Variants in OXR1 observed in about 807,000 individuals in gnomAD.
OXR1 encodes oxidation resistance 1.
OXR1 carries 41 observed loss-of-function variants against 104.6 expected under a neutral mutation model. That is an observed-to-expected ratio of 0.39 (90% CI 0.31 to 0.51). The LOEUF (loss-of-function observed/expected upper bound fraction) is 0.51, where lower values mean the gene tolerates loss of function less well. OXR1 is among the 20% of genes least tolerant of loss of function. The pLI, the probability that OXR1 is intolerant of heterozygous loss-of-function variation, is 0.77. For missense variants in OXR1, 955 were observed against 1,031.9 expected (o/e 0.93, Z 1.02); for synonymous variants, 348 against 348.4 (o/e 1.00, Z 0.01).
intron 2 of OXR1, among the ~76,000 whole-genome samples, chr8:106,429,390 T>A (rs2130558466): frequency 6.6e-6 from 1 of 152,282 alleles, no homozygotes; most frequent in South Asian, 2.1e-4. Context: ...CCGGGCATAG[T>A]GGCTCACGTC....
chr8:106,439,198 T>A (rs1485985233), intron 2 of OXR1, among the ~76,000 whole-genome samples: 1 of 151,994 alleles, frequency 6.6e-6, no homozygotes, highest in African/African-American at 2.4e-5. Flanking sequence ...TGAGAGGCAA[T>A]AAGGATTAGA....
At chr8:106,454,637 A>C (rs1295050626) in intron 2 of OXR1, among the ~76,000 whole-genome samples, 1 of 152,116 alleles carries the variant, frequency 6.6e-6, no homozygotes, top group Non-Finnish European at 1.5e-5. Flanking sequence ...AATGTTAAAA[A>C]ATAATAATAA....
chr8:106,655,304 A>G (rs956432069), intron 3 of OXR1, among the ~76,000 whole-genome samples: 2 of 146,490 alleles, frequency 1.4e-5, no homozygotes, highest in Non-Finnish European at 1.5e-5. Flanking sequence ...ACATATGAAT[A>G]AAGTTTTTTT....
At chr8:106,368,580 G>A (rs1340820268) in intron 2 of OXR1, among the ~76,000 whole-genome samples, 1 of 151,506 alleles carries the variant, frequency 6.6e-6, no homozygotes, top group Non-Finnish European at 1.5e-5. Flanking sequence ...GCCCTGATGT[G>A]TGTTGTTTCC....
chr8:106,647,024 C>A (rs114016852), intron 3 of OXR1, among the ~76,000 whole-genome samples: 265 of 152,228 alleles, frequency 1.7e-3, no homozygotes, highest in African/African-American at 5.8e-3. Flanking sequence ...TAATTACTGT[C>A]TTTAATAGGA....
chr8:106,312,586 A>G (rs1166028492), intron 1 of OXR1, among the ~76,000 whole-genome samples: 1 of 152,212 alleles, frequency 6.6e-6, no homozygotes, highest in East Asian at 1.9e-4. Context: ...TAGCTACCAC[A>G]CTGGATGTTT....
At chr8:106,541,239 C>T (rs1814929626) in intron 3 of OXR1, among the ~76,000 whole-genome samples, 1 of 152,092 alleles carries the variant, frequency 6.6e-6, no homozygotes, top group Admixed American at 6.5e-5. Flanking sequence ...TGTTTTAAAA[C>T]ATTTAGTAGT....
intron 1 of OXR1, among the ~76,000 whole-genome samples, chr8:106,319,883 T>C (rs1814141959): frequency 6.6e-6 from 1 of 152,172 alleles, no homozygotes; most frequent in African/African-American, 2.4e-5. Context: ...ACTTTTTGTT[T>C]TGAAGTTTTG....
intron 2 of OXR1, chr8:106,448,195 C>A: frequency 9.6e-7 from 1 of 1,037,770 alleles, no homozygotes; most frequent in Non-Finnish European, 1.4e-6. Context: ...AGATGGATTT[C>A]TGTTGCCATT....
Position 106,362,719 on chromosome 8 carries a change from G to A in OXR1, c.23+3083G>A, listed in dbSNP as rs147961816. Among the ~76,000 whole-genome samples, 1,064 of 152,262 alleles carry A rather than the reference G, an allele frequency of 7.0e-3. 18 individuals carry two copies. Among genetic ancestry groups the A allele is most frequent in the African/African-American group, 0.024 (1,007 of 41,556 alleles). On this transcript the variant is annotated intron_variant, in intron 2 of 16. Transcript: ENST00000517566. ...CGTTGAAATAGAAACAAAGGGATGC[G>A]CAGAATCTGTTGCAGAAAACTACGA... is the stretch of plus-strand genomic sequence containing the variant.
intron 2 of OXR1, among the ~76,000 whole-genome samples, chr8:106,381,901 T>A (rs1312866881): frequency 6.6e-6 from 1 of 152,194 alleles, no homozygotes. Context: ...CCAGGTGGCA[T>A]ATAAAAGTGG....
At chr8:106,472,092 T>A (rs1474646824) in intron 2 of OXR1, among the ~76,000 whole-genome samples, 1 of 151,862 alleles carries the variant, frequency 6.6e-6, no homozygotes, top group Non-Finnish European at 1.5e-5. Context: ...CTAATCTGTG[T>A]CAGTCTTTCC....
intron 2 of OXR1, among the ~76,000 whole-genome samples, chr8:106,370,519 G>A (rs1816660502): frequency 6.6e-6 from 1 of 152,090 alleles, no homozygotes; most frequent in Non-Finnish European, 1.5e-5. Flanking sequence ...CATTGAAGAC[G>A]ATATTTTATG....
chr8:106,723,536 G>A (rs2131473047), intron 11 of OXR1, among the ~76,000 whole-genome samples: 1 of 151,006 alleles, frequency 6.6e-6, no homozygotes, highest in African/African-American at 2.4e-5. Context: ...GCCGGGCGTG[G>A]TGGCGCACAC....
chr8:106,638,894 A>C (rs1823384796), intron 3 of OXR1, among the ~76,000 whole-genome samples: 1 of 104,152 alleles, frequency 9.6e-6, no homozygotes, highest in East Asian at 2.5e-4. Flanking sequence ...ACTCCATTTC[A>C]AAAAAAAAAA....
chr8:106,506,483 G>C (rs1215987621), intron 2 of OXR1, among the ~76,000 whole-genome samples: 2 of 152,006 alleles, frequency 1.3e-5, no homozygotes, highest in Non-Finnish European at 2.9e-5. Context: ...TGTGGTGGCG[G>C]GCACCTGTAG....
chr8:106,742,362 A>G, intron 15 of OXR1, 45 bp downstream of exon 15: 6 of 1,100,994 alleles, frequency 5.4e-6, no homozygotes, highest in Non-Finnish European at 8.3e-6. Context: ...GAGTTGACAT[A>G]ACATACTGCC....
chr8:106,312,010 C>CCTGCCCA (rs1813722684), intron 1 of OXR1, among the ~76,000 whole-genome samples: 3 of 152,058 alleles, frequency 2.0e-5, no homozygotes, highest in Admixed American at 2.0e-4. Context: ...CCCCCACCCC[C>CCTGCCCA]CTGCCCACAG....
intron 3 of OXR1, among the ~76,000 whole-genome samples, chr8:106,644,563 T>A (rs1823919571): frequency 6.6e-6 from 1 of 152,196 alleles, no homozygotes; most frequent in Non-Finnish European, 1.5e-5. Flanking sequence ...TCCAGACTGA[T>A]GGAGGCTCCA....
Sources: allele counts gnomAD v4.1 joint callset (sites outside exome capture counted in the v4.1 genomes callset), GRCh38; gene constraint gnomAD v4.1.1; transcripts MANE v1.5; gene names NCBI Gene and HGNC (gene_info 2026-07-23, HGNC 2026-07-21).